Variants in ATP7A observed in about 807,000 individuals in gnomAD.
ATP7A encodes copper-transporting ATPase 1.
Under a neutral mutation model 83.5 loss-of-function variants are expected in ATP7A, and 7 were observed. The ratio of observed to expected loss-of-function variants is 0.08; its 90% confidence interval spans 0.05 to 0.16. The LOEUF (loss-of-function observed/expected upper bound fraction) is 0.16. Among genes scored for constraint, ATP7A ranks in the 10% least tolerant of loss-of-function variants. The pLI is 1.00. For missense variants in ATP7A, 940 were observed against 1,120.8 expected (o/e 0.84, Z 2.30); for synonymous variants, 354 against 395.2 (o/e 0.90, Z 1.24).
At chrX:77,930,857 C>G (rs1557224089) in intron 1 of ATP7A, among the ~76,000 whole-genome samples, 1 of 110,530 alleles carries the variant, frequency 9.0e-6, no homozygotes, top group East Asian at 2.8e-4. Context: ...TAGATCATGC[C>G]CCAATGGTGA....
chrX:77,969,256 G>A, intron 1 of ATP7A: 2 of 1,211,655 alleles, frequency 1.7e-6, no homozygotes, highest in East Asian at 5.9e-5. Flanking sequence ...AGGATGGTCG[G>A]GCTCCATCGG....
chrX:77,930,377 C>T (rs1472602195), intron 1 of ATP7A, among the ~76,000 whole-genome samples: 3 of 111,798 alleles, frequency 2.7e-5, no homozygotes, highest in African/African-American at 6.5e-5. Context: ...AGTCTGCATA[C>T]TGCGTGGTCA....
intron 1 of ATP7A, among the ~76,000 whole-genome samples, chrX:77,931,470 C>T (rs1393214865): frequency 2.7e-5 from 3 of 112,604 alleles, no homozygotes; most frequent in Non-Finnish European, 5.6e-5. Context: ...ACCTTTCCTC[C>T]CTTTCTATTC....
chrX:77,921,298 T>G (rs1390267069), intron 1 of ATP7A, among the ~76,000 whole-genome samples: 1 of 112,195 alleles, frequency 8.9e-6, no homozygotes, highest in African/African-American at 3.2e-5. Flanking sequence ...GAAATTTATT[T>G]CCATTCTTCT....
intron 1 of ATP7A, among the ~76,000 whole-genome samples, chrX:77,958,510 A>G (rs1450316964): frequency 2.7e-5 from 3 of 110,874 alleles, no homozygotes; most frequent in African/African-American, 9.9e-5. Context: ...CTTGTAGTAT[A>G]TTTTCAAGTC....
intron 12 of ATP7A, among the ~76,000 whole-genome samples, chrX:78,016,745 A>C (rs1557235203): frequency 8.9e-6 from 1 of 112,537 alleles, no homozygotes; most frequent in East Asian, 2.8e-4. Context: ...CTTTGACTTC[A>C]TGTCTCACAT....
chrX:78,010,059 T>C (rs974306852), intron 7 of ATP7A, among the ~76,000 whole-genome samples: 2 of 112,684 alleles, frequency 1.8e-5, no homozygotes, highest in Non-Finnish European at 3.7e-5. Flanking sequence ...TTCAAGTGAT[T>C]TAAAGCATTT....
At chrX:78,017,024 T>G (rs1446723923) in intron 12 of ATP7A, among the ~76,000 whole-genome samples, 4 of 112,740 alleles carry the variant, frequency 3.5e-5, no homozygotes, top group African/African-American at 1.3e-4. Flanking sequence ...CCTTCTGCAC[T>G]GCCCTAGCAG....
chrX:77,972,330 C>T (rs924194081), intron 2 of ATP7A, among the ~76,000 whole-genome samples: 1 of 110,288 alleles, frequency 9.1e-6, no homozygotes, highest in Non-Finnish European at 1.9e-5. Context: ...TACCTAGGAC[C>T]ACAGGCGTGC....
In ATP7A at chrX:78,015,860, G is replaced by A. The variant is rs2077859477; in HGVS notation, c.2605G>A (p.Val869Ile). Residue 869 changes from valine (V) to isoleucine (I), a missense_variant, in exon 12 of 23, where the codon GTA becomes ATA. By Grantham distance (29) the Val-to-Ile change is conservative. Around this residue, in one of 3 missense-constraint regions of ATP7A, gnomAD observed 386 missense variants for 502.2 expected, o/e 0.77. Coordinates refer to ENST00000341514, the MANE Select transcript of ATP7A (RefSeq NM_000052.7). Reference protein sequence around the residue: ...DGRVIEGHSMVDESLITGEAM... With the variant: ...DGRVIEGHSMIDESLITGEAM... ...TCGTGTTATTGAAGGACATTCTATGGTAGATGAGTCCCTCATCACAGGTAT... is the reference window on the plus strand; with the variant it reads ...TCGTGTTATTGAAGGACATTCTATGATAGATGAGTCCCTCATCACAGGTAT... The A allele has an allele frequency of 1.7e-6, 2 of 1,211,453 alleles. No homozygotes were observed. The highest frequency in any genetic ancestry group is 1.1e-6 in the Non-Finnish European group (1 of 895,145).
At chrX:77,997,239 A>G (rs1313596526) in intron 4 of ATP7A, among the ~76,000 whole-genome samples, 1 of 112,608 alleles carries the variant, frequency 8.9e-6, no homozygotes. Context: ...CAGCACTGCC[A>G]TCAACTCAGA....
At chrX:78,011,119 C>T (rs184067582) in intron 7 of ATP7A, 57 bp from the exon 8 acceptor site, 2 of 1,048,866 alleles carry the variant, frequency 1.9e-6, no homozygotes. Flanking sequence ...CTTAGAATTT[C>T]TCTATACAAT....
chrX:77,916,139 G>A (rs1041967443), intron 1 of ATP7A, among the ~76,000 whole-genome samples: 2 of 110,554 alleles, frequency 1.8e-5, no homozygotes, highest in African/African-American at 6.5e-5. Context: ...TAGATTGCTT[G>A]AATTCAGGAG....
At chrX:78,035,143 C>T (rs1228028277) in intron 17 of ATP7A, among the ~76,000 whole-genome samples, 1 of 111,501 alleles carries the variant, frequency 9.0e-6, no homozygotes, top group African/African-American at 3.3e-5. Context: ...TTTTATAATA[C>T]ATACTCTCTC....
At position 77,989,196 on chromosome X, in the gene ATP7A, A is replaced by G. The variant is rs782100853; in HGVS notation, c.611-37A>G. ...AGAATGTTTTCTGAAGTAGCCCAGG[A>G]ATAACTGAATTAATTATATTTCTTT... is the stretch of plus-strand genomic sequence containing the variant. On this transcript the variant is annotated intron_variant, in intron 3 of 22. Coordinates refer to ENST00000341514, the MANE Select transcript of ATP7A (RefSeq NM_000052.7). The G allele has an allele frequency of 8.5e-6, 10 of 1,172,738 alleles. No homozygotes were observed. The East Asian group carries it at 3.0e-4, about 35-fold the overall frequency.
chrX:78,002,995 A>G lies in ATP7A; in HGVS notation c.1544-78A>G, dbSNP rs1270052650. The G allele has an allele frequency of 5.1e-6, 5 of 975,945 alleles. No individual in the cohort carries two copies. In the Admixed American group the frequency reaches 9.1e-5, roughly 18 times the overall value. 80.4% of individuals were successfully genotyped at this position (975,945 alleles called of 1,213,427 possible). A position where few individuals can be genotyped will look rare whatever the true frequency, so the allele number is the denominator to read the frequency against. On this transcript the variant is annotated intron_variant, in intron 5 of 22. Transcript: ENST00000341514. ...TAAGAGAAATCCTTTCATACTTGATAATACTAAGAAGTAATTATAACATTA... is the reference window on the plus strand; with the variant it reads ...TAAGAGAAATCCTTTCATACTTGATGATACTAAGAAGTAATTATAACATTA...
chrX:77,970,936 G>T (rs999497142), intron 1 of ATP7A, among the ~76,000 whole-genome samples: 1 of 111,872 alleles, frequency 8.9e-6, no homozygotes. Context: ...GGGAATCAGA[G>T]TATGTTTGTG....
At chrX:77,986,252 C>T (rs1417403477) in intron 2 of ATP7A, among the ~76,000 whole-genome samples, 4 of 111,015 alleles carry the variant, frequency 3.6e-5, no homozygotes, top group Non-Finnish European at 7.6e-5. Context: ...ACATTTTCAC[C>T]CAAATACACA....
intron 1 of ATP7A, among the ~76,000 whole-genome samples, chrX:77,938,573 G>T (rs1463964178): frequency 8.9e-6 from 1 of 112,471 alleles, no homozygotes; most frequent in Non-Finnish European, 1.9e-5. Flanking sequence ...GAGGACTGGG[G>T]TAACCAAAGT....
Sources: allele counts gnomAD v4.1 joint callset (sites outside exome capture counted in the v4.1 genomes callset), GRCh38; gene constraint gnomAD v4.1.1; regional missense constraint gnomAD v4.1.1; transcripts MANE v1.5; gene names NCBI Gene and HGNC (gene_info 2026-07-23, HGNC 2026-07-21).